JUP: variants seen among roughly 807,000 people sequenced by gnomAD.
The protein encoded by JUP is junction plakoglobin.
A neutral mutation model predicts 71.1 loss-of-function variants in JUP; 28 were observed. The ratio of observed to expected loss-of-function variants is 0.39; its 90% CI spans 0.29 to 0.54. The LOEUF (loss-of-function observed/expected upper bound fraction) is 0.54, where lower values mean the gene tolerates loss of function less well. Among genes scored for constraint, JUP ranks in the 20% least tolerant of loss-of-function variants. The pLI is 0.62. For missense variants in JUP, 869 were observed against 1,030.1 expected, an observed-to-expected ratio of 0.84 and a Z score of 2.14; for synonymous variants, 401 against 438.9, an observed-to-expected ratio of 0.91 and a Z score of 1.08.
intron 11 of JUP, 47 bp downstream of exon 11, chr17:41,757,587 C>A: frequency 6.2e-7 from 1 of 1,614,094 alleles, no homozygotes; most frequent in East Asian, 2.2e-5. Context: ...CAGCCTCCAT[C>A]GTGGCTGGGG....
At chr17:41,762,123 CAGAGAGAGAGAG>C (rs528611507) in intron 8 of JUP, among the ~76,000 whole-genome samples, 1,222 of 69,002 alleles carry the variant, frequency 0.018, 8 homozygotes, top group African/African-American at 0.029. Context: ...TGCAGAGAGA[CAGAGAGAGAGAG>C]AGAGAGAGAG....
At chr17:41,767,723 A>G (rs1262115664) in intron 4 of JUP, 143 bp from the exon 5 acceptor site, 2 of 666,638 alleles carry the variant, frequency 3.0e-6, no homozygotes, top group East Asian at 5.5e-5. Flanking sequence ...AAATCTCATC[A>G]CTCCTTGAGC....
At chr17:41,784,157 C>T (rs1268331268) in intron 1 of JUP, among the ~76,000 whole-genome samples, 1 of 152,096 alleles carries the variant, frequency 6.6e-6, no homozygotes, top group African/African-American at 2.4e-5. Context: ...AGTCAATTGA[C>T]CCATCTCACT....
intron 12 of JUP, 84 bp from the exon 13 acceptor site, chr17:41,756,298 G>A (rs1567798977): frequency 1.4e-6 from 2 of 1,386,972 alleles, no homozygotes; most frequent in Non-Finnish European, 2.0e-6. Flanking sequence ...AGGGAGAGAT[G>A]CTTCTAAAAG....
chr17:41,780,765 C>A (rs1555610079), intron 1 of JUP, among the ~76,000 whole-genome samples: 2 of 151,608 alleles, frequency 1.3e-5, no homozygotes, highest in African/African-American at 4.8e-5. Context: ...AAGCTGAGTG[C>A]CAAAAGCGGT....
rs80229699 is a variant in JUP, at chr17:41,762,769, A to G, written c.1497+214T>C. On this transcript the variant is annotated intron_variant, in intron 8 of 13. Transcript: ENST00000393931. ...CATTTTGAACTCTGAGCTCTGCCCT[A>G]GGGGCTGGTAGAGCTACAAGATAGA... is the stretch of plus-strand genomic sequence containing the variant. Among the ~76,000 whole-genome samples the G allele has an allele frequency of 2.2e-3, 342 of 152,288 alleles. 9 individuals are homozygous for G. In the East Asian group the frequency reaches 0.053, roughly 24 times the overall value.
chr17:41,781,502 C>A (rs1440060250), intron 1 of JUP, among the ~76,000 whole-genome samples: 1 of 152,254 alleles, frequency 6.6e-6, no homozygotes, highest in Non-Finnish European at 1.5e-5. Context: ...AGTCGCTTCA[C>A]AATAAGATAT....
intron 1 of JUP, among the ~76,000 whole-genome samples, chr17:41,778,407 A>G: frequency 6.6e-6 from 1 of 152,222 alleles, no homozygotes; most frequent in South Asian, 2.1e-4. Context: ...CTCTACAAAA[A>G]AATGCAAAAA....
intron 1 of JUP, among the ~76,000 whole-genome samples, chr17:41,773,215 C>A (rs1488068919): frequency 1.3e-5 from 2 of 152,182 alleles, no homozygotes; most frequent in South Asian, 4.1e-4. Context: ...TGATGGGGAC[C>A]AGGTGAGGGT....
chr17:41,776,888 C>A (rs1555608874), intron 1 of JUP, among the ~76,000 whole-genome samples: 2 of 152,178 alleles, frequency 1.3e-5, no homozygotes, highest in South Asian at 4.1e-4. Context: ...CACCTGTAAT[C>A]CCAGCTACTC....
intron 1 of JUP, among the ~76,000 whole-genome samples, chr17:41,783,297 T>G (rs1481246844): frequency 6.9e-6 from 1 of 145,238 alleles, no homozygotes; most frequent in African/African-American, 2.6e-5. Context: ...TTTTTTTGTT[T>G]TTTTTTTTTT....
In JUP at chr17:41,771,764, T is replaced by G; in HGVS notation, c.91A>C (p.Asn31His). The change falls in exon 2 of 14, where the codon AAC becomes CAC. Residue 31 changes from asparagine to histidine, a missense_variant. Transcript: ENST00000393931. The stretch of plus-strand genomic sequence containing the variant: ...CTGCTGACGGAGGGCACGCAGGTGT[T>G]GGCGCCCGAGTGGATACCCGAGTCG... ...TYDSGIHSGA[N>H]TCVPSVSSKG... 1 of 1,614,122 alleles carries G rather than the reference T, an allele frequency of 6.2e-7. No individual in the cohort carries two copies. The highest frequency in any genetic ancestry group is 8.5e-7 in the Non-Finnish European group (1 of 1,180,000).
Position 41,775,908 on chromosome 17 carries a change from C to T in JUP, c.-8-4046G>A, listed in dbSNP as rs1259604335. On this transcript the variant is annotated intron_variant, in intron 1 of 13. Coordinates refer to ENST00000393931, the MANE Select transcript of JUP (RefSeq NM_002230.4). ...GCCAACCCAGAGGGCTGGCACCGGG[C>T]ACCCTAAATCCAAGACTGACCTGGC... is the stretch of plus-strand genomic sequence containing the variant. 2.0e-5 allele frequency: 19 copies of T among 934,376 alleles called. 1 individual carries two copies. The East Asian group carries it at 3.5e-4, about 17-fold the overall frequency. The allele number at this position is 934,376 out of a possible 1,614,324, so 57.9% of individuals were successfully genotyped here.
Position 41,771,842 on chromosome 17 carries a change from T to G in JUP, c.13A>C (p.Asn5His). The change falls in exon 2 of 14, where the codon AAC (asparagine) becomes CAC (histidine). Residue 5 changes from asparagine (N) to histidine (H), a missense_variant. By Grantham distance (68) the Asn-to-His change is moderately conservative. Coordinates refer to ENST00000393931, the MANE Select transcript of JUP (RefSeq NM_002230.4). ...ACCTTGATAGGCTGCTCCATCAGGTTCATCACCTCCATCGTGGCTACTGGG... is the reference window on the plus strand; with the variant it reads ...ACCTTGATAGGCTGCTCCATCAGGTGCATCACCTCCATCGTGGCTACTGGG... The part of the protein sequence containing the change: MEVM[N>H]LMEQPIKVTE... 6.2e-7 allele frequency: 1 copy of G among 1,612,708 alleles called. No homozygotes were observed.
At chr17:41,774,186 G>T (rs1917093846) in intron 1 of JUP, among the ~76,000 whole-genome samples, 1 of 151,912 alleles carries the variant, frequency 6.6e-6, no homozygotes, top group East Asian at 1.9e-4. Context: ...AGACTGCTGA[G>T]GGCTAGACAG....
chr17:41,772,988 A>G, intron 1 of JUP: 1 of 985,466 alleles, frequency 1.0e-6, no homozygotes, highest in Non-Finnish European at 1.2e-6. Context: ...CCTTTCACAG[A>G]CACCGTCATG....
chr17:41,775,105 C>CAA (rs782000280), intron 1 of JUP, among the ~76,000 whole-genome samples: 3 of 126,230 alleles, frequency 2.4e-5, no homozygotes, highest in Admixed American at 8.1e-5. Flanking sequence ...GACCCTGTCT[C>CAA]AAAAAAAAAA....
Position 41,757,692 on chromosome 17 carries a change from A to G in JUP, c.1866T>C (p.Asp622=). Residue 622 remains aspartate, a synonymous_variant, in exon 11 of 14, where the codon GAT becomes GAC. Transcript: ENST00000393931. ...AQDKEAADAI[D]AEGASAPLME... ...TGAGTGGGGCCGAGGCCCCCTCTGC[A>G]TCAATGGCGTCGGCCGCCTCCTTGT... is the stretch of plus-strand genomic sequence containing the variant. The G allele has an allele frequency of 6.2e-7, 1 of 1,613,448 alleles. No individual in the cohort carries two copies. The highest frequency in any genetic ancestry group is 8.5e-7 in the Non-Finnish European group (1 of 1,179,604).
intron 13 of JUP, 74 bp downstream of exon 13, chr17:41,756,101 A>C: frequency 6.8e-7 from 1 of 1,474,994 alleles, no homozygotes; most frequent in Non-Finnish European, 9.4e-7. Flanking sequence ...CGGAGACATA[A>C]TATTGTCCCC....
Sources: gnomAD v4.1 joint callset for allele counts (sites outside exome capture counted in the v4.1 genomes callset) on GRCh38, gnomAD v4.1.1 for gene constraint, MANE v1.5 for transcripts, NCBI Gene and HGNC (gene_info 2026-07-23, HGNC 2026-07-21) for gene names.